CASTOR2: variants seen among roughly 807,000 people sequenced by gnomAD.
The protein encoded by CASTOR2 is GATS protein like 2.
In CASTOR2, 8 loss-of-function variants were observed where a neutral mutation model predicts 31.2. That is an observed-to-expected ratio of 0.26 (90% CI 0.15 to 0.46). CASTOR2 has a LOEUF of 0.46. Ranked by LOEUF, CASTOR2 falls within the 20% of genes least tolerant of loss-of-function variation. CASTOR2 has a pLI of 0.99. For synonymous variants in CASTOR2, 162 were observed against 158.7 expected (o/e 1.02, Z -0.16); for missense variants, 216 against 382.1 (o/e 0.57, Z 3.62).
At chr7:75,007,809 T>TC in intron 1 of CASTOR2, 185 bp from the exon 2 acceptor site, 1 of 742,934 alleles carries the variant, frequency 1.3e-6, no homozygotes, top group Non-Finnish European at 2.3e-6. Flanking sequence ...TCTGTGCCTC[T>TC]CCTGAGTGAG....
intron 7 of CASTOR2, among the ~76,000 whole-genome samples, chr7:75,022,572 G>GC (rs1383817736): frequency 2.6e-5 from 4 of 152,158 alleles, no homozygotes; most frequent in Admixed American, 6.6e-5. Flanking sequence ...GGAGGCCGAT[G>GC]CAGGTGGATC....
In CASTOR2 at chr7:75,027,239, T is replaced by A. The variant is rs1260913986; in HGVS notation, c.*2540T>A. 2.0e-5 allele frequency: 3 copies of A among 152,282 alleles called. No individual in the cohort carries two copies. The highest frequency in any genetic ancestry group is 2.9e-5 in the Non-Finnish European group (2 of 68,040). The allele number at this position is 152,282 out of a possible 1,614,324, so 9.4% of individuals were successfully genotyped here. The stretch of plus-strand genomic sequence containing the variant: ...CCAGCAGCTCAAAGAGCCTGTGACA[T>A]GGGACGTGGGAAGGGTGCTGAGAGC... On this transcript the variant is annotated 3_prime_UTR_variant, in exon 9 of 9. Transcript: ENST00000616305.
At chr7:75,024,560 C>T (rs1805077270) in intron 8 of CASTOR2, 26 bp downstream of exon 8, 3 of 1,551,558 alleles carry the variant, frequency 1.9e-6, no homozygotes, top group East Asian at 2.4e-5. Context: ...CAGACCCCTC[C>T]AGGGCAGGGC....
intron 1 of CASTOR2, among the ~76,000 whole-genome samples, chr7:75,003,301 C>G (rs1376597303): frequency 3.9e-5 from 6 of 152,010 alleles, no homozygotes; most frequent in East Asian, 1.9e-4. Flanking sequence ...AAAAAATTAG[C>G]CGGCTGGGCT....
intron 2 of CASTOR2, among the ~76,000 whole-genome samples, chr7:75,014,597 A>T (rs1460519442): frequency 6.6e-6 from 1 of 151,998 alleles, no homozygotes; most frequent in Admixed American, 6.6e-5. Context: ...CTCGCTCAAA[A>T]AAAAAGGAAG....
At chr7:74,998,483 A>G (rs1214496541) in intron 1 of CASTOR2, among the ~76,000 whole-genome samples, 1 of 151,982 alleles carries the variant, frequency 6.6e-6, no homozygotes, top group African/African-American at 2.4e-5. Context: ...CACGCCTGTA[A>G]TCCCGGCTAC....
chr7:75,019,000 C>T lies in CASTOR2; in HGVS notation c.540C>T (p.Ser180=). 1 of 1,551,990 alleles carries T rather than the reference C, an allele frequency of 6.4e-7. No individual in the cohort carries two copies. Among genetic ancestry groups the T allele is most frequent in the Admixed American group, 2.0e-5 (1 of 51,000 alleles). Residue 180 remains serine (S), a synonymous_variant, in exon 5 of 9, where the codon TCC becomes TCT. Transcript: ENST00000616305. ...LVQRPVIHPL[S]SPSNRFCVTS... is the part of the protein sequence containing the mutation. Reference sequence around the variant, plus strand: ...AGAGGCCAGTCATCCACCCACTGTCCAGCCCGAGCAACAGGTTCTGTGTCA... The same window carrying T: ...AGAGGCCAGTCATCCACCCACTGTCTAGCCCGAGCAACAGGTTCTGTGTCA...
chr7:74,989,197 C>G (rs1247258261), intron 1 of CASTOR2, among the ~76,000 whole-genome samples: 1 of 151,554 alleles, frequency 6.6e-6, no homozygotes, highest in Non-Finnish European at 1.5e-5. Flanking sequence ...ATCTCCTGAC[C>G]TCGTGATTCG....
chr7:75,023,751 C>G (rs2131958900), intron 7 of CASTOR2, among the ~76,000 whole-genome samples: 1 of 152,244 alleles, frequency 6.6e-6, no homozygotes, highest in East Asian at 1.9e-4. Context: ...AGGTGCCACA[C>G]TTTTAAATAG....
chr7:74,981,390 AG>A (rs1167711825), intron 1 of CASTOR2, among the ~76,000 whole-genome samples: 1 of 137,912 alleles, frequency 7.3e-6, no homozygotes, highest in Non-Finnish European at 1.6e-5. Context: ...CATGTTGGCC[AG>A]GCTGGTCTCG....
chr7:75,008,898 C>T (rs1247433206), intron 2 of CASTOR2, among the ~76,000 whole-genome samples: 5 of 152,022 alleles, frequency 3.3e-5, no homozygotes, highest in African/African-American at 9.7e-5. Context: ...TGTAGTGTGC[C>T]ATGATCACGT....
chr7:75,027,995 A>G lies in CASTOR2; in HGVS notation c.*3296A>G. ...GGGGCTCCATCCGCAGTTGCATGGA[A>G]CTCCTTACCTGTTTGCCGTCCATCC... is the stretch of plus-strand genomic sequence containing the variant. On this transcript the variant is annotated 3_prime_UTR_variant, in exon 9 of 9. Coordinates refer to ENST00000616305, the MANE Select transcript of CASTOR2 (RefSeq NM_001145064.3). The G allele has an allele frequency of 6.5e-7, 1 of 1,531,898 alleles. No homozygotes were observed. Among genetic ancestry groups the G allele is most frequent in the South Asian group, 1.2e-5 (1 of 83,896 alleles). The allele number at this position is 1,531,898 out of a possible 1,614,324, so 94.9% of individuals were successfully genotyped here.
intron 1 of CASTOR2, among the ~76,000 whole-genome samples, chr7:74,996,218 T>A (rs1804343436): frequency 6.6e-6 from 1 of 151,778 alleles, no homozygotes; most frequent in South Asian, 2.1e-4. Context: ...TGGGCAGGGG[T>A]CATCTAAGGA....
chr7:75,020,647 G>A (rs1354354966), intron 6 of CASTOR2, among the ~76,000 whole-genome samples: 2 of 150,224 alleles, frequency 1.3e-5, no homozygotes, highest in African/African-American at 2.4e-5. Flanking sequence ...CCGCCACCAC[G>A]CCTGGCTAAT....
At chr7:74,999,961 G>A (rs1343422577) in intron 1 of CASTOR2, among the ~76,000 whole-genome samples, 3 of 152,096 alleles carry the variant, frequency 2.0e-5, no homozygotes, top group Admixed American at 6.6e-5. Context: ...GCACTGGCTC[G>A]CAACTGTAAT....
intron 1 of CASTOR2, among the ~76,000 whole-genome samples, chr7:74,995,264 T>C (rs1804313571): frequency 6.6e-6 from 1 of 151,756 alleles, no homozygotes; most frequent in Non-Finnish European, 1.5e-5. Context: ...AGAAGCCAAG[T>C]ATGAAACCGA....
At position 74,965,887 on chromosome 7, in the gene CASTOR2, C is replaced by A. The variant is rs1361855495; in HGVS notation, c.113+789C>A. ...ACACACACACACACACACACACTCT[C>A]TCTCTCTCTCTCTCTCTCTCTCTCT... is the stretch of plus-strand genomic sequence containing the variant. On this transcript the variant is annotated intron_variant, in intron 1 of 8. Coordinates refer to ENST00000616305, the MANE Select transcript of CASTOR2 (RefSeq NM_001145064.3). 1.1e-4 allele frequency among the ~76,000 whole-genome samples: 2 copies of A among 17,392 alleles called. 1 individual carries two copies. Among genetic ancestry groups the A allele is most frequent in the Non-Finnish European group, 2.1e-4 (2 of 9,694 alleles). 11.4% of individuals were successfully genotyped at this position (17,392 alleles called of 152,430 possible). A position where few individuals can be genotyped will look rare whatever the true frequency, so the allele number is the denominator to read the frequency against.
At chr7:74,998,476 G>A (rs2131937710) in intron 1 of CASTOR2, among the ~76,000 whole-genome samples, 1 of 152,106 alleles carries the variant, frequency 6.6e-6, no homozygotes, top group Non-Finnish European at 1.5e-5. Context: ...GGTGGCACAC[G>A]CCTGTAATCC....
At chr7:74,992,955 CTT>C (rs1804247619) in intron 1 of CASTOR2, among the ~76,000 whole-genome samples, 1 of 151,822 alleles carries the variant, frequency 6.6e-6, no homozygotes. Context: ...AATCCCAGCA[CTT>C]TGGGAGGCCG....
Sources: allele counts gnomAD v4.1 joint callset (sites outside exome capture counted in the v4.1 genomes callset), GRCh38; gene constraint gnomAD v4.1.1; transcripts MANE v1.5; gene names NCBI Gene and HGNC (gene_info 2026-07-23, HGNC 2026-07-21).